Variants in PARG observed in about 807,000 individuals in gnomAD.
PARG encodes the protein mitochondrial poly(ADP-ribose) glycohydrolase.
A neutral mutation model predicts 113.0 loss-of-function variants in PARG; 35 were observed. The ratio of observed to expected loss-of-function variants is 0.31; its 90% CI spans 0.24 to 0.41. PARG has a LOEUF of 0.41. Ranked by LOEUF, PARG falls within the 10% of genes least tolerant of loss-of-function variation. The pLI is 1.00. For missense variants in PARG, 797 were observed against 1,169.4 expected (o/e 0.68, Z 4.64); for synonymous variants, 330 against 409.9 (o/e 0.81, Z 2.36).
Position 49,922,343 on chromosome 10 carries a change from T to C in PARG, c.1655A>G (p.Asn552Ser), listed in dbSNP as rs1554849479. 6.3e-7 allele frequency: 1 copy of C among 1,599,932 alleles called. No homozygotes were observed. The highest frequency in any genetic ancestry group is 8.5e-7 in the Non-Finnish European group (1 of 1,173,750). The change falls in exon 6 of 18, where the codon AAC becomes AGC. Residue 552 changes from asparagine to serine, a missense_variant. This residue lies in a region of PARG where 252 missense variants were observed against 437.4 expected (regional missense o/e 0.58). Coordinates refer to ENST00000616448, the MANE Select transcript of PARG (RefSeq NM_003631.5). ...ALLNKFTRPQNLKDAILKYNV... is the reference protein window; with the variant it reads ...ALLNKFTRPQSLKDAILKYNV... Reference sequence around the variant, plus strand: ...ATGGTAAAAACAACATACCTTCAAGTTTTGGGGTCGTGTAAATTTGTTGAG... The same window carrying C: ...ATGGTAAAAACAACATACCTTCAAGCTTTGGGGTCGTGTAAATTTGTTGAG...
intron 13 of PARG, among the ~76,000 whole-genome samples, chr10:49,854,557 T>C (rs1420307069): frequency 5.3e-5 from 8 of 151,106 alleles, no homozygotes; most frequent in African/African-American, 1.2e-4. Context: ...GCCATATGAA[T>C]GCTCAGGAAA....
In PARG at chr10:49,833,192, C is replaced by T. The variant is rs577683076; in HGVS notation, c.2542-284G>A. On this transcript the variant is annotated intron_variant, in intron 15 of 17. Transcript: ENST00000616448. ...TAATACAGGTCCCAATTTATTTTTC[C>T]ACTTCAAACAAACAGAAATGAAAAT... The T allele has an allele frequency of 3.6e-5, 7 of 194,002 alleles. No individual in the cohort carries two copies. The East Asian group carries it at 8.1e-4, about 22-fold the overall frequency. 12.0% of individuals were successfully genotyped at this position (194,002 alleles called of 1,614,324 possible). A position where few individuals can be genotyped will look rare whatever the true frequency, so the allele number is the denominator to read the frequency against.
chr10:49,839,000 C>A (rs1845090915), intron 15 of PARG, among the ~76,000 whole-genome samples: 1 of 152,132 alleles, frequency 6.6e-6, no homozygotes, highest in Non-Finnish European at 1.5e-5. Flanking sequence ...ACTTATGTAA[C>A]TTCTAAAATA....
intron 7 of PARG, among the ~76,000 whole-genome samples, chr10:49,907,348 G>A (rs1564647743): frequency 6.6e-6 from 1 of 152,270 alleles, no homozygotes; most frequent in East Asian, 1.9e-4. Context: ...AATCGAGGAT[G>A]AGTATTTTTC....
At chr10:49,850,597 G>A (rs74131143) in intron 13 of PARG, among the ~76,000 whole-genome samples, 12,880 of 152,150 alleles carry the variant, frequency 0.085, 983 homozygotes, top group African/African-American at 0.2. Context: ...TCTGCCTAGC[G>A]GTAGACAAGC....
In PARG at chr10:49,843,586, A is replaced by C; in HGVS notation, c.2400T>G (p.Arg800=). The C allele has an allele frequency of 2.6e-6, 4 of 1,551,176 alleles. No homozygotes were observed. The highest frequency in any genetic ancestry group is 2.6e-6 in the Non-Finnish European group (3 of 1,146,530). ...TCCCATCTTCGTGGCTCCGGGACCA[A>C]CGATATGTCTCAGCATAGCCTGTGT... is the stretch of plus-strand genomic sequence containing the variant. ...SEYTGYAETY[R]WSRSHEDGSE... Residue 800 remains arginine, a synonymous_variant, in exon 14 of 18, where the codon CGT becomes CGG. Coordinates refer to ENST00000616448, the MANE Select transcript of PARG (RefSeq NM_003631.5).
intron 13 of PARG, among the ~76,000 whole-genome samples, chr10:49,851,084 T>C (rs1845739177): frequency 6.6e-6 from 1 of 152,176 alleles, no homozygotes; most frequent in Non-Finnish European, 1.5e-5. Context: ...AGGAAAAAAC[T>C]AGAAGGAATC....
At chr10:49,843,002 G>C (rs1032857889) in intron 14 of PARG, among the ~76,000 whole-genome samples, 2 of 152,136 alleles carry the variant, frequency 1.3e-5, no homozygotes, top group Non-Finnish European at 2.9e-5. Context: ...CTTTCAGGTA[G>C]CATTTCTGCA....
At chr10:49,927,399 AAAGAAAG>A (rs1375932269) in intron 4 of PARG, among the ~76,000 whole-genome samples, 1 of 151,436 alleles carries the variant, frequency 6.6e-6, no homozygotes, top group African/African-American at 2.4e-5. Flanking sequence ...AGAAAGAAAG[AAAGAAAG>A]AAAGAAAGAA....
chr10:49,854,847 G>A (rs1554834778), intron 13 of PARG, among the ~76,000 whole-genome samples: 1 of 151,102 alleles, frequency 6.6e-6, no homozygotes, highest in Non-Finnish European at 1.5e-5. Flanking sequence ...AAAAGTCATT[G>A]AAAAAACAGC....
chr10:49,828,158 G>C (rs1354362292), intron 16 of PARG, among the ~76,000 whole-genome samples: 1 of 121,910 alleles, frequency 8.2e-6, no homozygotes, highest in Non-Finnish European at 1.7e-5. Context: ...AAGCCCAAAT[G>C]TTGTAATCTA....
chr10:49,891,930 G>A (rs115826660), intron 7 of PARG, among the ~76,000 whole-genome samples: 2,143 of 150,684 alleles, frequency 0.014, 58 homozygotes, highest in African/African-American at 0.049. Flanking sequence ...ACTGAAGATG[G>A]GTGATGGAAA....
At chr10:49,916,559 A>G (rs1554847695) in intron 6 of PARG, among the ~76,000 whole-genome samples, 1 of 152,086 alleles carries the variant, frequency 6.6e-6, no homozygotes, top group African/African-American at 2.4e-5. Flanking sequence ...ATCTTCCTCC[A>G]GCAGTTCACA....
chr10:49,921,505 A>G (rs1203014136), intron 6 of PARG, among the ~76,000 whole-genome samples: 2 of 152,128 alleles, frequency 1.3e-5, no homozygotes, highest in East Asian at 1.9e-4. Flanking sequence ...ACATTATGAT[A>G]TAACATATCA....
rs1258813212 is a variant in PARG, at chr10:49,931,659, C to T, written c.1455+441G>A. 6.4e-4 allele frequency among the ~76,000 whole-genome samples: 85 copies of T among 132,968 alleles called. No individual in the cohort carries two copies. In the Middle Eastern group the frequency reaches 0.019, roughly 29 times the overall value. 87.2% of individuals were successfully genotyped at this position (132,968 alleles called of 152,430 possible). The stretch of plus-strand genomic sequence containing the variant: ...TCTGATCCCCGAATGCTCGAGGAGA[C>T]TGATTTGAGTAATAAGAAAACTCTG... On this transcript the variant is annotated intron_variant, in intron 4 of 17. Coordinates refer to ENST00000616448, the MANE Select transcript of PARG (RefSeq NM_003631.5).
At chr10:49,902,958 G>C (rs1848413617) in intron 7 of PARG, among the ~76,000 whole-genome samples, 1 of 151,892 alleles carries the variant, frequency 6.6e-6, no homozygotes. Flanking sequence ...TCAGCCTCCA[G>C]AGAAGCTGCA....
intron 4 of PARG, among the ~76,000 whole-genome samples, chr10:49,930,060 T>C (rs1490848967): frequency 6.6e-6 from 1 of 152,166 alleles, no homozygotes; most frequent in Admixed American, 6.5e-5. Context: ...TTACAAACTT[T>C]ATTTTGATAT....
At chr10:49,934,701 T>C (rs1838661342) in intron 2 of PARG, among the ~76,000 whole-genome samples, 2 of 151,964 alleles carry the variant, frequency 1.3e-5, no homozygotes, top group African/African-American at 4.8e-5. Flanking sequence ...TACAAAAAAT[T>C]AGCCAGGCGT....
rs1272179145 is a variant in PARG, at chr10:49,941,871, C to T, written c.-146G>A. 7.8e-6 allele frequency: 11 copies of T among 1,408,352 alleles called. No homozygotes were observed. Among genetic ancestry groups the T allele is most frequent in the African/African-American group, 1.4e-5 (1 of 70,658 alleles). The allele number at this position is 1,408,352 out of a possible 1,614,324, so 87.2% of individuals were successfully genotyped here. A position where few individuals can be genotyped will look rare whatever the true frequency, so the allele number is the denominator to read the frequency against. On this transcript the variant is annotated 5_prime_UTR_variant, in exon 1 of 18. Coordinates refer to ENST00000616448, the MANE Select transcript of PARG (RefSeq NM_003631.5). ...GCTGCCTGCTTCTGCAATTGCTGAT[C>T]CGCCGGCCTCCCAAGTCAGGCCGTA...
Sources: allele counts gnomAD v4.1 joint callset (sites outside exome capture counted in the v4.1 genomes callset), GRCh38; gene constraint gnomAD v4.1.1; regional missense constraint gnomAD v4.1.1; transcripts MANE v1.5; gene names NCBI Gene and HGNC (gene_info 2026-07-23, HGNC 2026-07-21).